Variants in FXYD6 observed in about 807,000 individuals in gnomAD.
The protein encoded by FXYD6 is FXYD domain-containing ion transport regulator 6.
A neutral mutation model predicts 16.7 loss-of-function variants in FXYD6; 7 were observed. That is an observed-to-expected ratio of 0.42 (90% CI 0.24 to 0.79). The LOEUF is 0.79. FXYD6 is among the 30% of genes least tolerant of loss of function. The probability of loss-of-function intolerance (pLI) is 0.28; values close to 1 mark genes in which losing one functional copy is unlikely to be tolerated. For missense variants in FXYD6, 111 were observed against 116.2 expected (o/e 0.95, Z 0.21); for synonymous variants, 49 against 43.0 (o/e 1.14, Z -0.54).
intron 1 of FXYD6, among the ~76,000 whole-genome samples, chr11:117,873,967 A>C (rs1232896611): frequency 6.6e-6 from 1 of 152,008 alleles, no homozygotes; most frequent in Non-Finnish European, 1.5e-5. Flanking sequence ...GTTTCCATCA[A>C]CCCACCATCT....
intron 1 of FXYD6, among the ~76,000 whole-genome samples, chr11:117,849,280 A>C (rs1230809914): frequency 5.3e-5 from 8 of 152,206 alleles, no homozygotes; most frequent in Non-Finnish European, 1.0e-4. Flanking sequence ...TGTGTGTTTT[A>C]AATATCCAAA....
intron 1 of FXYD6, among the ~76,000 whole-genome samples, chr11:117,850,119 C>T (rs941886486): frequency 7.2e-5 from 11 of 152,154 alleles, no homozygotes; most frequent in African/African-American, 2.7e-4. Flanking sequence ...ATGCCTCAGA[C>T]CACCCCACTT....
chr11:117,852,904 G>A (rs938759985), intron 1 of FXYD6, among the ~76,000 whole-genome samples: 1 of 151,960 alleles, frequency 6.6e-6, no homozygotes, highest in South Asian at 2.1e-4. Context: ...TTTATTTGCT[G>A]CTTAACCCAC....
chr11:117,858,341 G>A (rs1565322846), intron 1 of FXYD6: 1 of 152,314 alleles, frequency 6.6e-6, no homozygotes, highest in East Asian at 1.9e-4. Flanking sequence ...ATCCACTTGG[G>A]GGACGTATGT....
intron 1 of FXYD6, among the ~76,000 whole-genome samples, chr11:117,865,105 T>C (rs1308295510): frequency 6.6e-6 from 1 of 152,130 alleles, no homozygotes; most frequent in Non-Finnish European, 1.5e-5. Flanking sequence ...AATAAGCACA[T>C]GGAAAGATGC....
chr11:117,850,961 C>A (rs1305807354), intron 1 of FXYD6, among the ~76,000 whole-genome samples: 1 of 152,112 alleles, frequency 6.6e-6, no homozygotes, highest in Non-Finnish European at 1.5e-5. Context: ...AGGCAGAATA[C>A]CCTCCTTGAA....
At chr11:117,840,676 T>C (rs899669774) in intron 5 of FXYD6, among the ~76,000 whole-genome samples, 2 of 152,058 alleles carry the variant, frequency 1.3e-5, no homozygotes, top group Non-Finnish European at 2.9e-5. Flanking sequence ...AAGCTACCCT[T>C]GGCTATTATA....
rs2056214092 is a variant in FXYD6, at chr11:117,836,983, G to A, written c.*1316C>T. ...AAAGGAAAGCACCTCCGAGCCACTA[G>A]GAAACAAAGGATATTTTATTCCTTT... On this transcript the variant is annotated 3_prime_UTR_variant, in exon 8 of 8. Coordinates refer to ENST00000526014, the MANE Select transcript of FXYD6 (RefSeq NM_022003.4). 2 of 152,232 alleles carry A rather than the reference G, an allele frequency of 1.3e-5. No individual in the cohort carries two copies. The highest frequency in any genetic ancestry group is 2.4e-5 in the African/African-American group (1 of 41,460). 9.4% of individuals were successfully genotyped at this position (152,232 alleles called of 1,614,324 possible). A position where few individuals can be genotyped will look rare whatever the true frequency, so the allele number is the denominator to read the frequency against.
chr11:117,847,115 A>T lies in FXYD6; in HGVS notation c.-5-4334T>A, dbSNP rs2056488640. On this transcript the variant is annotated intron_variant, in intron 1 of 7. Transcript: ENST00000526014. The stretch of plus-strand genomic sequence containing the variant: ...TAGATTCATTCCTAAGTGCCTTATC[A>T]TTTTTATTGCTGCTTTCAATGTCAC... Among the ~76,000 whole-genome samples, 6 of 152,278 alleles carry T rather than the reference A, an allele frequency of 3.9e-5. No individual in the cohort carries two copies. In the East Asian group the frequency reaches 7.7e-4, roughly 20 times the overall value.
chr11:117,873,260 T>C (rs556071638), intron 1 of FXYD6, among the ~76,000 whole-genome samples: 3 of 152,330 alleles, frequency 2.0e-5, no homozygotes, highest in Admixed American at 1.3e-4. Context: ...TATGAAATAA[T>C]GAGTACTATT....
At chr11:117,842,876 C>G in intron 1 of FXYD6, 95 bp from the exon 2 acceptor site, 1 of 1,332,734 alleles carries the variant, frequency 7.5e-7, no homozygotes, top group Non-Finnish European at 1.0e-6. Flanking sequence ...AGCCAAATCC[C>G]CAGCTTTGCT....
At position 117,837,619 on chromosome 11, in the gene FXYD6, G is replaced by C. The variant is rs1042980; in HGVS notation, c.*680C>G. On this transcript the variant is annotated 3_prime_UTR_variant, in exon 8 of 8. Transcript: ENST00000526014. This position sits in a 1 kb window ranked among gnomAD's most constrained non-coding sequence, Gnocchi z 4.4. ...CCCTGGGAAGAAATTAACCACGGAAGGGCATAGCCTGCCTGACGTCAACGC... is the reference window on the plus strand; with the variant it reads ...CCCTGGGAAGAAATTAACCACGGAACGGCATAGCCTGCCTGACGTCAACGC... 1 of 152,968 alleles carries C rather than the reference G, an allele frequency of 6.5e-6. No individual in the cohort carries two copies. Among genetic ancestry groups the C allele is most frequent in the African/African-American group, 2.4e-5 (1 of 41,438 alleles). 9.5% of individuals were successfully genotyped at this position (152,968 alleles called of 1,614,324 possible).
Position 117,838,112 on chromosome 11 carries a change from T to A in FXYD6, c.*187A>T. On this transcript the variant is annotated 3_prime_UTR_variant, in exon 8 of 8. Coordinates refer to ENST00000526014, the MANE Select transcript of FXYD6 (RefSeq NM_022003.4). ...CCGCAGGCTGCAGTGGGGAGGCAAG[T>A]GTTAGTTGCATCATCAGGTGGAGGA... 1.4e-6 allele frequency: 1 copy of A among 694,886 alleles called. No individual in the cohort carries two copies. The allele number at this position is 694,886 out of a possible 1,614,324, so 43.0% of individuals were successfully genotyped here.
rs913375763 is a variant in FXYD6, at chr11:117,872,807, G to A, written c.-6+3785C>T. The stretch of plus-strand genomic sequence containing the variant: ...CGGGACCTCTCCCTCCCCGGATTCT[G>A]GAGCAGAGATGATGCTGCCAAATTG... On this transcript the variant is annotated intron_variant, in intron 1 of 7. Transcript: ENST00000526014. This position sits in a 1 kb window ranked among gnomAD's most constrained non-coding sequence, Gnocchi z 4.9. Among the ~76,000 whole-genome samples, 1 of 152,176 alleles carries A rather than the reference G, an allele frequency of 6.6e-6. No individual in the cohort carries two copies. Among genetic ancestry groups the A allele is most frequent in the African/African-American group, 2.4e-5 (1 of 41,424 alleles).
At chr11:117,857,416 T>TTC (rs2056757949) in intron 1 of FXYD6, among the ~76,000 whole-genome samples, 1 of 150,578 alleles carries the variant, frequency 6.6e-6, no homozygotes, top group African/African-American at 2.4e-5. Flanking sequence ...GTGGATTTTT[T>TTC]TTTTTTTTTT....
intron 1 of FXYD6, chr11:117,843,623 G>A (rs115451257): frequency 0.03 from 4,496 of 152,272 alleles, 166 homozygotes; most frequent in African/African-American, 0.088. Context: ...GCCCTGAAGC[G>A]CTGACAGCCC....
chr11:117,871,571 C>T (rs1202227258), intron 1 of FXYD6, among the ~76,000 whole-genome samples: 1 of 152,100 alleles, frequency 6.6e-6, no homozygotes, highest in Non-Finnish European at 1.5e-5. Flanking sequence ...AATTTTAATG[C>T]CTGTTTATTG....
chr11:117,847,795 T>C (rs954598001), intron 1 of FXYD6, among the ~76,000 whole-genome samples: 1 of 152,208 alleles, frequency 6.6e-6, no homozygotes, highest in Non-Finnish European at 1.5e-5. Context: ...TCCAAGACTT[T>C]GCTATTGTGA....
At position 117,857,117 on chromosome 11, in the gene FXYD6, T is replaced by C. The variant is rs1384327637; in HGVS notation, c.-5-14336A>G. ...GCAGGAGGGAAGCCACTGCCACTGA[T>C]AGCCTCCTTGGATTGGAGATGGGAG... On this transcript the variant is annotated intron_variant, in intron 1 of 7. Transcript: ENST00000526014. Among the ~76,000 whole-genome samples, 7 of 152,172 alleles carry C rather than the reference T, an allele frequency of 4.6e-5. No homozygotes were observed. The South Asian group carries it at 8.3e-4, about 18-fold the overall frequency.
Sources: gnomAD v4.1 joint callset for allele counts (sites outside exome capture counted in the v4.1 genomes callset) on GRCh38, gnomAD v4.1.1 for gene constraint, Gnocchi (gnomAD v3.1) non-coding constraint, MANE v1.5 for transcripts, NCBI Gene and HGNC (gene_info 2026-07-23, HGNC 2026-07-21) for gene names.